Variants in TMPRSS15 observed in about 807,000 individuals in gnomAD.
TMPRSS15 encodes enteropeptidase.
A neutral mutation model predicts 125.3 loss-of-function variants in TMPRSS15; 128 were observed. That is an observed-to-expected ratio of 1.02 (90% CI 0.89 to 1.18). The LOEUF is 1.18. Ranked by LOEUF, TMPRSS15 falls within the 50% of genes most tolerant of loss-of-function variation. The pLI is 0.00. For synonymous variants in TMPRSS15, 446 were observed against 423.2 expected (o/e 1.05, Z -0.66); for missense variants, 1,283 against 1,212.7 (o/e 1.06, Z -0.86).
intron 1 of TMPRSS15, among the ~76,000 whole-genome samples, chr21:18,467,441 G>A (rs4818414): frequency 0.44 from 66,367 of 150,954 alleles, 15,823 homozygotes; most frequent in East Asian, 0.92. Flanking sequence ...GTTCCTACTT[G>A]CCTATCATGG....
chr21:18,451,798 GAT>G (rs1978343610), intron 1 of TMPRSS15, among the ~76,000 whole-genome samples: 1 of 152,088 alleles, frequency 6.6e-6, no homozygotes, highest in African/African-American at 2.4e-5. Context: ...GAAAACAGAA[GAT>G]ACTACACATT....
At chr21:18,365,800 A>G (rs2075731171) in intron 6 of TMPRSS15, among the ~76,000 whole-genome samples, 1 of 144,444 alleles carries the variant, frequency 6.9e-6, no homozygotes, top group African/African-American at 2.6e-5. Context: ...CTGGAATGCA[A>G]CGGCGCGATC....
chr21:18,338,255 T>C (rs925823793), intron 13 of TMPRSS15, among the ~76,000 whole-genome samples: 11 of 152,254 alleles, frequency 7.2e-5, no homozygotes, highest in African/African-American at 2.4e-4. Context: ...AAATATCAGG[T>C]CTAAGAAACT....
At chr21:18,459,697 A>G (rs1456099991) in intron 1 of TMPRSS15, among the ~76,000 whole-genome samples, 2 of 152,168 alleles carry the variant, frequency 1.3e-5, no homozygotes, top group Non-Finnish European at 2.9e-5. Flanking sequence ...TTTACCTTTC[A>G]TATAAATTTT....
At chr21:18,418,831 A>G (rs914079122) in intron 1 of TMPRSS15, among the ~76,000 whole-genome samples, 8 of 152,248 alleles carry the variant, frequency 5.3e-5, no homozygotes, top group African/African-American at 1.9e-4. Flanking sequence ...CTGTTGATTC[A>G]GCGTATGCTA....
intron 1 of TMPRSS15, among the ~76,000 whole-genome samples, chr21:18,483,725 T>C (rs940469141): frequency 6.6e-6 from 1 of 151,946 alleles, no homozygotes; most frequent in Admixed American, 6.6e-5. Flanking sequence ...CATCTCACTT[T>C]TCTAGACTTT....
chr21:18,396,792 A>AAATCTATCTG (rs1408156983), intron 3 of TMPRSS15, among the ~76,000 whole-genome samples: 66 of 112,792 alleles, frequency 5.9e-4, no homozygotes, highest in South Asian at 1.4e-3. Context: ...AAAAAAAAAA[A>AAATCTATCTG]TCTGTCTGTC....
chr21:18,372,392 C>T (rs1231522103), intron 5 of TMPRSS15, 68 bp from the exon 6 acceptor site: 7 of 1,477,620 alleles, frequency 4.7e-6, no homozygotes, highest in East Asian at 2.4e-5. Context: ...ATTTAATAGG[C>T]CTTTTTGCCA....
At chr21:18,462,692 TC>T (rs1978573492) in intron 1 of TMPRSS15, among the ~76,000 whole-genome samples, 1 of 151,904 alleles carries the variant, frequency 6.6e-6, no homozygotes, top group Non-Finnish European at 1.5e-5. Context: ...CAAGTGGCTT[TC>T]AAAAAAAAAT....
At chr21:18,359,677 C>T in intron 8 of TMPRSS15, 80 bp downstream of exon 8, 2 of 671,094 alleles carry the variant, frequency 3.0e-6, no homozygotes, top group Non-Finnish European at 5.3e-6. Flanking sequence ...ACTTCAAAAT[C>T]AAAGGGAAAA....
rs2075799206 is a variant in TMPRSS15 at position 18,372,270 on chromosome 21, G to A, written c.587C>T (p.Thr196Met). The change falls in exon 6 of 25, where the codon ACG becomes ATG. Residue 196 changes from threonine to methionine, a missense_variant. Thr to Met is a moderately conservative substitution (Grantham distance 81, BLOSUM62 -1). Transcript: ENST00000284885. ...ACAAAATAAATCAGCTTTTATACAC[G>A]TTAGAGCATCAGTACAAGGACTTGA... is the stretch of plus-strand genomic sequence containing the variant. ...PGSSPCTDAL[T>M]CIKADLFCDG... 8 of 1,613,040 alleles carry A rather than the reference G, an allele frequency of 5.0e-6. No individual in the cohort carries two copies. Among genetic ancestry groups the A allele is most frequent in the Admixed American group, 1.7e-5 (1 of 59,952 alleles).
intron 16 of TMPRSS15, among the ~76,000 whole-genome samples, chr21:18,321,474 T>C (rs1166388816): frequency 6.7e-6 from 1 of 148,312 alleles, no homozygotes; most frequent in African/African-American, 2.5e-5. Context: ...TGCCTCAGCC[T>C]TCCCAGTAGC....
Position 18,343,550 on chromosome 21 carries a change from A to G in TMPRSS15, c.1384T>C (p.Trp462Arg), listed in dbSNP as rs1195939689. The change falls in exon 12 of 25, where the codon TGG (tryptophan) becomes CGG (arginine). Residue 462 changes from tryptophan (W) to arginine (R), a missense_variant. Transcript: ENST00000284885. Reference protein sequence around the residue: ...FQKEGNYGDNWNYGQVTLNET... With the variant: ...FQKEGNYGDNRNYGQVTLNET... Reference sequence around the variant, plus strand: ...TTTAGGGTTACTTGTCCATAATTCCAATTGTCTCCATAATTTCCTTCCTTT... The same window carrying G: ...TTTAGGGTTACTTGTCCATAATTCCGATTGTCTCCATAATTTCCTTCCTTT... 2 of 1,613,256 alleles carry G rather than the reference A, an allele frequency of 1.2e-6. No homozygotes were observed. Among genetic ancestry groups the G allele is most frequent in the East Asian group, 2.2e-5 (1 of 44,792 alleles).
At chr21:18,435,279 G>C (rs1045861921) in intron 1 of TMPRSS15, among the ~76,000 whole-genome samples, 4 of 152,066 alleles carry the variant, frequency 2.6e-5, no homozygotes, top group Non-Finnish European at 4.4e-5. Flanking sequence ...TTCATAGATA[G>C]CTCTTATTAT....
intron 7 of TMPRSS15, among the ~76,000 whole-genome samples, chr21:18,363,694 CT>C (rs1171600628): frequency 1.3e-5 from 2 of 151,908 alleles, no homozygotes; most frequent in African/African-American, 4.8e-5. Context: ...ATAAATGCTT[CT>C]TTTAAGTTTG....
chr21:18,338,054 C>T (rs1286273000), intron 13 of TMPRSS15, among the ~76,000 whole-genome samples: 1 of 152,022 alleles, frequency 6.6e-6, no homozygotes, highest in East Asian at 1.9e-4. Flanking sequence ...ACAGGGACAC[C>T]AAGCTTGACA....
chr21:18,306,459 C>T (rs949879630), intron 18 of TMPRSS15, among the ~76,000 whole-genome samples: 1 of 151,934 alleles, frequency 6.6e-6, no homozygotes, highest in Non-Finnish European at 1.5e-5. Flanking sequence ...ATGGAAGAAC[C>T]TTGGGGTAAT....
In TMPRSS15 at chr21:18,467,471, G is replaced by T. The variant is rs137863571; in HGVS notation, c.10+18328C>A. Among the ~76,000 whole-genome samples the T allele has an allele frequency of 6.4e-3, 972 of 151,982 alleles. 14 individuals are homozygous for T. Among genetic ancestry groups the T allele is most frequent in the African/African-American group, 0.022 (924 of 41,430 alleles). On this transcript the variant is annotated intron_variant, in intron 1 of 7. Coordinates refer to the TMPRSS15 transcript ENST00000422787. The stretch of plus-strand genomic sequence containing the variant: ...TCATGGAGCTATAATTTGAGGACAA[G>T]AATGCATTCTTTTGAGTAATAAGTC...
chr21:18,346,698 G>T (rs1011025591), intron 10 of TMPRSS15, among the ~76,000 whole-genome samples: 3 of 152,074 alleles, frequency 2.0e-5, no homozygotes, highest in Admixed American at 6.5e-5. Flanking sequence ...ACATCCCAAC[G>T]CATGGAACTA....
Sources: gnomAD v4.1 joint callset for allele counts (sites outside exome capture counted in the v4.1 genomes callset) on GRCh38, gnomAD v4.1.1 for gene constraint, MANE v1.5 for transcripts, NCBI Gene and HGNC (gene_info 2026-07-23, HGNC 2026-07-21) for gene names.